Variants in SYT7 observed in about 807,000 individuals in gnomAD.
SYT7 encodes synaptotagmin 7.
A neutral mutation model predicts 75.1 loss-of-function variants in SYT7; 29 were observed. The observed-to-expected ratio is 0.39, with a 90% CI of 0.29 to 0.53. The LOEUF is 0.53. SYT7 is among the 20% of genes least tolerant of loss of function. The pLI is 0.77. For synonymous variants in SYT7, 376 were observed against 401.7 expected (o/e 0.94, Z 0.76); for missense variants, 693 against 953.2 (o/e 0.73, Z 3.59).
chr11:61,537,637 CCA>C (rs945799953), intron 7 of SYT7, among the ~76,000 whole-genome samples: 2 of 152,152 alleles, frequency 1.3e-5, no homozygotes, highest in Non-Finnish European at 2.9e-5. Flanking sequence ...CTCCCATGCC[CCA>C]GACCCTCCCA....
chr11:61,559,719 G>C (rs1361632911), intron 1 of SYT7, among the ~76,000 whole-genome samples: 1 of 151,960 alleles, frequency 6.6e-6, no homozygotes, highest in East Asian at 1.9e-4. Context: ...TGTCAAACAA[G>C]ATCCTTCTCA....
At chr11:61,572,980 G>T (rs1046230088) in intron 1 of SYT7, among the ~76,000 whole-genome samples, 1 of 152,254 alleles carries the variant, frequency 6.6e-6, no homozygotes, top group East Asian at 1.9e-4. Context: ...GTGTGAGGGC[G>T]TTTGCCTTGG....
intron 7 of SYT7, among the ~76,000 whole-genome samples, chr11:61,533,949 C>T (rs1234387004): frequency 6.6e-6 from 1 of 152,160 alleles, no homozygotes. Flanking sequence ...AGACGGGCAC[C>T]ACCGAGAAGC....
intron 12 of SYT7, among the ~76,000 whole-genome samples, chr11:61,522,631 A>T (rs2062378443): frequency 6.6e-6 from 1 of 152,130 alleles, no homozygotes; most frequent in African/African-American, 2.4e-5. Flanking sequence ...GCCCAAGGTG[A>T]TATGGTTGTT....
At chr11:61,531,237 A>G (rs1436891106) in intron 8 of SYT7, 1 of 736,958 alleles carries the variant, frequency 1.4e-6, no homozygotes, top group Non-Finnish European at 1.7e-6. Context: ...TCCTCCCAGC[A>G]CAGGAGAGGG....
At chr11:61,571,729 G>A (rs984380586) in intron 1 of SYT7, among the ~76,000 whole-genome samples, 1 of 152,210 alleles carries the variant, frequency 6.6e-6, no homozygotes. Flanking sequence ...GGAGAGAAAG[G>A]CATCAACTGG....
chr11:61,581,463 G>A (rs1330654132), upstream of SYT7, among the ~76,000 whole-genome samples: 3 of 152,242 alleles, frequency 2.0e-5, no homozygotes, highest in Non-Finnish European at 4.4e-5. Context: ...GGTGCCCTTT[G>A]GCTCCGATCC....
rs2063200127 is a variant in SYT7, at chr11:61,546,643, G to A, written c.348-388C>T. ...TCCCACAGGACAACGAAGGGTTAAC[G>A]ACGGAGGAAGAGCGGGCTGTCCAGG... On this transcript the variant is annotated intron_variant, in intron 4 of 12. Coordinates refer to ENST00000539008, the MANE Select transcript of SYT7 (RefSeq NM_001365809.2). The surrounding 1 kb of genome is among the most constrained non-coding windows in gnomAD (Gnocchi z 7.6). The A allele has an allele frequency of 2.1e-6, 1 of 467,200 alleles. No homozygotes were observed. The highest frequency in any genetic ancestry group is 4.3e-6 in the Non-Finnish European group (1 of 234,682). 28.9% of individuals were successfully genotyped at this position (467,200 alleles called of 1,614,324 possible).
chr11:61,527,772 C>T (rs1009475234), intron 9 of SYT7, 143 bp downstream of exon 9: 3 of 979,726 alleles, frequency 3.1e-6, no homozygotes, highest in African/African-American at 3.2e-5. Context: ...AGTGTATCTG[C>T]TTGCATGTGT....
At chr11:61,587,923 T>TG in the SYT7 span, among the ~76,000 whole-genome samples, 11 of 148,528 alleles carry the variant, frequency 7.4e-5, no homozygotes, top group South Asian at 2.2e-4. Flanking sequence ...GGTACACAGA[T>TG]GGGGGGGCGG....
intron 1 of SYT7, among the ~76,000 whole-genome samples, chr11:61,564,747 T>C (rs1457372175): frequency 1.3e-5 from 2 of 152,186 alleles, no homozygotes; most frequent in Non-Finnish European, 2.9e-5. Context: ...ATTTTACCAG[T>C]TAGAGCCATG....
At chr11:61,585,437 C>T (rs2064366102), upstream of SYT7, among the ~76,000 whole-genome samples, 1 of 152,192 alleles carries the variant, frequency 6.6e-6, no homozygotes, top group African/African-American at 2.4e-5. Context: ...GTTGGCTGTG[C>T]AGGGCAACAG....
At chr11:61,522,998 T>A in intron 12 of SYT7, 77 bp downstream of exon 12, 1 of 1,482,386 alleles carries the variant, frequency 6.7e-7, no homozygotes, top group Non-Finnish European at 9.4e-7. Flanking sequence ...GCCCGTCCAC[T>A]ACCCCCGCTG....
At chr11:61,578,875 G>A (rs949142490) in intron 1 of SYT7, among the ~76,000 whole-genome samples, 1 of 152,212 alleles carries the variant, frequency 6.6e-6, no homozygotes, top group Non-Finnish European at 1.5e-5. Flanking sequence ...ACTGGGGTGG[G>A]CAAGACAGGT....
At chr11:61,571,063 C>T (rs575332008) in intron 1 of SYT7, among the ~76,000 whole-genome samples, 3 of 152,334 alleles carry the variant, frequency 2.0e-5, no homozygotes, top group Admixed American at 2.0e-4. Flanking sequence ...CCCAAGGCCA[C>T]AAAGCAAGTC....
chr11:61,554,939 C>G (rs908711095), intron 2 of SYT7, among the ~76,000 whole-genome samples: 2 of 152,210 alleles, frequency 1.3e-5, no homozygotes, highest in Non-Finnish European at 2.9e-5. Context: ...GAGCCGCATG[C>G]TCCCAAGTCC....
chr11:61,585,516 C>A (rs1590982251), upstream of SYT7, among the ~76,000 whole-genome samples: 1 of 152,138 alleles, frequency 6.6e-6, no homozygotes. Flanking sequence ...TCTCCTACCC[C>A]CTAGACTTCC....
chr11:61,523,280 G>T lies in SYT7; in HGVS notation c.1757-6C>A. On this transcript the variant is annotated splice_polypyrimidine_tract_variant and splice_region_variant and intron_variant, in intron 11 of 12. Coordinates refer to ENST00000539008, the MANE Select transcript of SYT7 (RefSeq NM_001365809.2). This position sits in a 1 kb window ranked among gnomAD's most constrained non-coding sequence, Gnocchi z 5.0. ...CCATACCTTCACGTAGGGGTCTAGGGGAGGGAGTGGGGAAGGGTTAGAGGG... is the reference window on the plus strand; with the variant it reads ...CCATACCTTCACGTAGGGGTCTAGGTGAGGGAGTGGGGAAGGGTTAGAGGG... The T allele has an allele frequency of 2.5e-6, 4 of 1,614,094 alleles. No individual in the cohort carries two copies. The highest frequency in any genetic ancestry group is 3.4e-6 in the Non-Finnish European group (4 of 1,179,958).
At chr11:61,519,982 G>A (rs1044650050) in intron 12 of SYT7, among the ~76,000 whole-genome samples, 17 of 151,510 alleles carry the variant, frequency 1.1e-4, no homozygotes, top group East Asian at 1.9e-4. Flanking sequence ...CACCACGCCC[G>A]GCTAATTTTT....
Sources: allele counts gnomAD v4.1 joint callset (sites outside exome capture counted in the v4.1 genomes callset), GRCh38; gene constraint gnomAD v4.1.1; non-coding constraint Gnocchi (gnomAD v3.1); transcripts MANE v1.5; gene names NCBI Gene and HGNC (gene_info 2026-07-23, HGNC 2026-07-21).